The following TACC2 variants were observed in gnomAD, a reference collection of about 807,000 sequenced individuals.
TACC2 encodes the protein transforming acidic coiled-coil-containing protein 2.
TACC2 carries 137 observed loss-of-function variants against 227.3 expected under a neutral mutation model. The ratio of observed to expected loss-of-function variants is 0.60; its 90% confidence interval spans 0.52 to 0.69. The LOEUF is 0.69. Among genes scored for constraint, TACC2 ranks in the 30% least tolerant of loss-of-function variants. The pLI, the probability that TACC2 is intolerant of heterozygous loss-of-function variation, is 0.00. For synonymous variants in TACC2, 1,523 were observed against 1,487.5 expected, an observed-to-expected ratio of 1.02 and a Z score of -0.55; for missense variants, 3,470 against 3,694.4, an observed-to-expected ratio of 0.94 and a Z score of 1.57.
chr10:122,206,695 C>G lies in TACC2; in HGVS notation c.5972-3702C>G, dbSNP rs774817877. On this transcript the variant is annotated intron_variant, in intron 8 of 22. Coordinates refer to ENST00000369005, the MANE Select transcript of TACC2 (RefSeq NM_206862.4). The stretch of plus-strand genomic sequence containing the variant: ...GGGATACCCTAGTGACCCTTTTCAT[C>G]TGATGAACTGCGGGTGCTGACTTTG... 1.1e-4 allele frequency among the ~76,000 whole-genome samples: 17 copies of G among 152,350 alleles called. No individual in the cohort carries two copies. The Middle Eastern group carries it at 0.017, about 152-fold the overall frequency.
chr10:122,248,966 C>A, intron 20 of TACC2, 84 bp from the exon 21 acceptor site: 1 of 1,489,722 alleles, frequency 6.7e-7, no homozygotes, highest in Non-Finnish European at 9.3e-7. Flanking sequence ...GTTACACCTG[C>A]ATCCGAGAGT....
At chr10:122,169,882 C>G (rs1413724909) in intron 7 of TACC2, among the ~76,000 whole-genome samples, 1 of 152,072 alleles carries the variant, frequency 6.6e-6, no homozygotes, top group Non-Finnish European at 1.5e-5. Context: ...TCCCGAGTAG[C>G]TGGGAATACG....
At chr10:122,176,113 C>CTATA (rs1159813137) in intron 7 of TACC2, among the ~76,000 whole-genome samples, 255 of 54,692 alleles carry the variant, frequency 4.7e-3, no homozygotes, top group Non-Finnish European at 6.5e-3. Flanking sequence ...CTCTCTCTCT[C>CTATA]TCTCTATATA....
intron 5 of TACC2, among the ~76,000 whole-genome samples, chr10:122,120,542 C>T (rs2085534855): frequency 6.6e-6 from 1 of 152,128 alleles, no homozygotes; most frequent in Non-Finnish European, 1.5e-5. Flanking sequence ...CCCTCTTTGT[C>T]GCACATCATG....
At chr10:122,126,320 G>C (rs1443381827) in intron 5 of TACC2, among the ~76,000 whole-genome samples, 5 of 91,362 alleles carry the variant, frequency 5.5e-5, no homozygotes, top group African/African-American at 3.0e-4. Context: ...CCAGAACTGT[G>C]TGTGTGTGTG....
At chr10:122,017,331 C>T (rs968039247) in intron 1 of TACC2, among the ~76,000 whole-genome samples, 11 of 152,238 alleles carry the variant, frequency 7.2e-5, no homozygotes, top group African/African-American at 2.2e-4. Flanking sequence ...CCTGCGAAGT[C>T]CCCTGTGCCG....
At chr10:122,167,770 A>G (rs2093259067) in intron 7 of TACC2, among the ~76,000 whole-genome samples, 1 of 152,224 alleles carries the variant, frequency 6.6e-6, no homozygotes, top group African/African-American at 2.4e-5. Flanking sequence ...AGAAAACTGC[A>G]AAAGTGGAAA....
chr10:122,063,310 C>G (rs571650694), intron 3 of TACC2, among the ~76,000 whole-genome samples: 62 of 152,210 alleles, frequency 4.1e-4, no homozygotes, highest in Non-Finnish European at 4.4e-4. Flanking sequence ...TTCCCAGGCT[C>G]CTGCCCAGCC....
At chr10:122,071,559 C>T (rs939194321) in intron 3 of TACC2, among the ~76,000 whole-genome samples, 2 of 151,944 alleles carry the variant, frequency 1.3e-5, no homozygotes, top group African/African-American at 4.8e-5. Flanking sequence ...TGGAGTGGCA[C>T]CTGACCTTGA....
chr10:122,196,051 C>G (rs1416496233), intron 8 of TACC2, among the ~76,000 whole-genome samples: 2 of 152,182 alleles, frequency 1.3e-5, no homozygotes, highest in Non-Finnish European at 2.9e-5. Flanking sequence ...GCCAGGGGCC[C>G]CCTCGTCCCC....
chr10:122,006,885 G>A (rs555659553), intron 1 of TACC2, among the ~76,000 whole-genome samples: 1 of 121,392 alleles, frequency 8.2e-6, no homozygotes, highest in Admixed American at 9.1e-5. Context: ...TTTTGAGATG[G>A]AATTTTGCCC....
chr10:122,020,233 C>A (rs1957166159), intron 1 of TACC2, among the ~76,000 whole-genome samples: 1 of 152,026 alleles, frequency 6.6e-6, no homozygotes, highest in African/African-American at 2.4e-5. Flanking sequence ...GAGGGATCAT[C>A]TTCCAAATGA....
At chr10:122,202,658 T>C (rs1345622233) in intron 8 of TACC2, among the ~76,000 whole-genome samples, 2 of 150,540 alleles carry the variant, frequency 1.3e-5, no homozygotes, top group East Asian at 3.9e-4. Context: ...AGATTTTTCT[T>C]TCTTTCTTTT....
chr10:122,217,058 T>C, intron 11 of TACC2: 1 of 811,764 alleles, frequency 1.2e-6, no homozygotes, highest in Non-Finnish European at 1.9e-6. Context: ...GCCAGCACGG[T>C]GCCCTCTAAC....
At chr10:122,063,071 T>TAACA (rs200699991) in intron 3 of TACC2, among the ~76,000 whole-genome samples, 68,183 of 151,696 alleles carry the variant, frequency 0.45, 16,816 homozygotes, top group Non-Finnish European at 0.56. Flanking sequence ...CTCTCACAGG[T>TAACA]GTCTGAAGTG....
rs1369424351 is a variant in TACC2, at chr10:122,254,111, A to G, written c.*55A>G. The G allele has an allele frequency of 4.2e-6, 6 of 1,423,562 alleles. No individual in the cohort carries two copies. In the East Asian group the frequency reaches 6.8e-5, roughly 16 times the overall value. 88.2% of individuals were successfully genotyped at this position (1,423,562 alleles called of 1,614,324 possible). ...TTGCGTGCAATATGACCGTCGGCACACTGCTGTTCCTCCAGTTCCATGGAC... is the reference window on the plus strand; with the variant it reads ...TTGCGTGCAATATGACCGTCGGCACGCTGCTGTTCCTCCAGTTCCATGGAC... On this transcript the variant is annotated 3_prime_UTR_variant, in exon 23 of 23. Coordinates refer to ENST00000369005, the MANE Select transcript of TACC2 (RefSeq NM_206862.4).
intron 5 of TACC2, among the ~76,000 whole-genome samples, chr10:122,126,316 C>CTGTGTGTGTGTGTGTGTG (rs3037067): frequency 0.074 from 10,529 of 141,916 alleles, 576 homozygotes; most frequent in Admixed American, 0.12. Context: ...TAATCCAGAA[C>CTGTGTGTGTGTGTGTGTG]TGTGTGTGTG....
chr10:122,222,405 G>A (rs1589701396), intron 11 of TACC2, among the ~76,000 whole-genome samples: 1 of 152,308 alleles, frequency 6.6e-6, no homozygotes, highest in African/African-American at 2.4e-5. Context: ...CAAGCAGGGC[G>A]TGTTCTGAAG....
intron 7 of TACC2, among the ~76,000 whole-genome samples, chr10:122,178,082 C>T (rs1280081338): frequency 6.6e-6 from 1 of 152,114 alleles, no homozygotes; most frequent in African/African-American, 2.4e-5. Flanking sequence ...TTATTTCTAA[C>T]AGTTTTGGAG....
Sources: allele counts gnomAD v4.1 joint callset (sites outside exome capture counted in the v4.1 genomes callset), GRCh38; gene constraint gnomAD v4.1.1; transcripts MANE v1.5; gene names NCBI Gene and HGNC (gene_info 2026-07-23, HGNC 2026-07-21).